Variants in VEGFC observed in about 807,000 individuals in gnomAD.
VEGFC encodes vascular endothelial growth factor C, also known as FLT4 ligand DHM.
In VEGFC, 12 loss-of-function variants were observed where a neutral mutation model predicts 46.1. That is an observed-to-expected ratio of 0.26 (90% confidence interval 0.17 to 0.42). The LOEUF (loss-of-function observed/expected upper bound fraction) is 0.42. VEGFC is among the 10% of genes least tolerant of loss of function. The pLI is 1.00. For missense variants in VEGFC, 488 were observed against 529.4 expected (o/e 0.92, Z 0.77); for synonymous variants, 232 against 195.5 (o/e 1.19, Z -1.56).
intron 1 of VEGFC, among the ~76,000 whole-genome samples, chr4:176,787,800 T>C (rs1407293360): frequency 6.6e-6 from 1 of 152,186 alleles, no homozygotes; most frequent in African/African-American, 2.4e-5. Flanking sequence ...ATATTTATAG[T>C]AAATTTTATA....
intron 1 of VEGFC, among the ~76,000 whole-genome samples, chr4:176,784,595 A>G (rs1454070681): frequency 6.6e-6 from 1 of 150,810 alleles, no homozygotes. Context: ...AAAAAATATA[A>G]AAAAAAAATT....
chr4:176,689,203 T>C (rs771665846), intron 4 of VEGFC: 4 of 152,216 alleles, frequency 2.6e-5, no homozygotes, highest in East Asian at 1.9e-4. Flanking sequence ...ACATTCCAAA[T>C]TGATAGAACA....
chr4:176,740,002 AATATATATAACTATATATTCGATATATCG>A (rs1735131043), intron 1 of VEGFC, among the ~76,000 whole-genome samples: 1 of 112,164 alleles, frequency 8.9e-6, no homozygotes, highest in African/African-American at 3.2e-5. Flanking sequence ...CGATATATCG[AATATATATAACTATATATTCGATATATCG>A]AATATATATA....
At position 176,711,618 on chromosome 4, in the gene VEGFC, G is replaced by A. The variant is rs1483423085; in HGVS notation, c.585C>T (p.Gly195=). The A allele has an allele frequency of 1.2e-6, 2 of 1,613,564 alleles. No homozygotes were observed. Among genetic ancestry groups the A allele is most frequent in the South Asian group, 1.1e-5 (1 of 91,032 alleles). ...LFEITVPLSQ[G]PKPVTISFAN... is the part of the protein sequence containing the mutation. ...CAAAACTGATTGTTACTGGTTTGGG[G>A]CCTTGAGAGAGAGGCACTGTAATTT... Residue 195 remains glycine, a synonymous_variant, in exon 4 of 7, where the codon GGC becomes GGT. Coordinates refer to ENST00000618562, the MANE Select transcript of VEGFC (RefSeq NM_005429.5).
rs1462133557 is a variant in VEGFC, at chr4:176,692,418, A to AC, written c.705-4492_705-4491insG. Among the ~76,000 whole-genome samples the AC allele has an allele frequency of 1.3e-4, 17 of 132,410 alleles. 3 individuals carry two copies. The highest frequency in any genetic ancestry group is 2.2e-4 in the African/African-American group (6 of 27,020). 86.9% of individuals were successfully genotyped at this position (132,410 alleles called of 152,430 possible). A position where few individuals can be genotyped will look rare whatever the true frequency, so the allele number is the denominator to read the frequency against. ...CAAAAACAAACAAACAAACAAACAA[A>AC]AAAAAAACAAAAAACGGCACACCAC... On this transcript the variant is annotated intron_variant, in intron 4 of 6. Coordinates refer to ENST00000618562, the MANE Select transcript of VEGFC (RefSeq NM_005429.5).
At chr4:176,693,962 A>ATTTT (rs1734258772) in intron 4 of VEGFC, among the ~76,000 whole-genome samples, 2 of 151,644 alleles carry the variant, frequency 1.3e-5, no homozygotes, top group Non-Finnish European at 2.9e-5. Flanking sequence ...CCTGCCCTAA[A>ATTTT]AGAGCTCCTG....
intron 1 of VEGFC, among the ~76,000 whole-genome samples, chr4:176,790,422 G>T (rs1287853296): frequency 6.6e-6 from 1 of 152,084 alleles, no homozygotes. Flanking sequence ...GGTAAAATTT[G>T]CCATATCACC....
chr4:176,702,796 T>C (rs1226134028), intron 4 of VEGFC, among the ~76,000 whole-genome samples: 3 of 152,110 alleles, frequency 2.0e-5, no homozygotes, highest in Admixed American at 6.6e-5. Context: ...GTAGTGTATA[T>C]TGACTTCCCT....
rs558127192 is a variant in VEGFC at position 176,770,069 on chromosome 4, T to C, written c.147+22096A>G. 1.6e-4 allele frequency among the ~76,000 whole-genome samples: 25 copies of C among 152,246 alleles called. 1 individual carries two copies. The South Asian group carries it at 5.2e-3, about 32-fold the overall frequency. On this transcript the variant is annotated intron_variant, in intron 1 of 6. Coordinates refer to ENST00000618562, the MANE Select transcript of VEGFC (RefSeq NM_005429.5). The stretch of plus-strand genomic sequence containing the variant: ...ATTTACTAGAAAGAAGTCCTCAGAT[T>C]AAAAAATATCTGATAGTTACATATG...
intron 4 of VEGFC, among the ~76,000 whole-genome samples, chr4:176,688,987 C>A (rs1213776373): frequency 6.6e-6 from 1 of 152,110 alleles, no homozygotes; most frequent in African/African-American, 2.4e-5. Context: ...TGCATTATAT[C>A]CTGTAGAATG....
chr4:176,686,469 G>A (rs1304260207), intron 6 of VEGFC, among the ~76,000 whole-genome samples: 2 of 152,160 alleles, frequency 1.3e-5, no homozygotes, highest in South Asian at 2.1e-4. Context: ...AAAAAGTAGA[G>A]TTGAAGATGT....
At position 176,687,340 on chromosome 4, in the gene VEGFC, T is replaced by C. The variant is rs575984035; in HGVS notation, c.992A>G (p.Asn331Ser). 2.8e-5 allele frequency: 45 copies of C among 1,614,194 alleles called. 1 individual carries two copies. The South Asian group carries it at 4.3e-4, about 15-fold the overall frequency. ...NKLFPSQCGA[N>S]REFDENTCQC... ...GCATGTGTTTTCATCAAATTCTCGG[T>C]TGGCCCCACATTGGCTGGGGAAGAG... is the stretch of plus-strand genomic sequence containing the variant. The change falls in exon 6 of 7, where the codon AAC (asparagine) becomes AGC (serine). Residue 331 changes from asparagine (N) to serine (S), a missense_variant. Coordinates refer to ENST00000618562, the MANE Select transcript of VEGFC (RefSeq NM_005429.5).
chr4:176,758,431 A>C (rs1735470204), intron 1 of VEGFC, among the ~76,000 whole-genome samples: 1 of 152,168 alleles, frequency 6.6e-6, no homozygotes, highest in Non-Finnish European at 1.5e-5. Context: ...AACAAGTACC[A>C]AGCATCAATC....
At chr4:176,691,946 C>A (rs1038547366) in intron 4 of VEGFC, among the ~76,000 whole-genome samples, 1 of 152,068 alleles carries the variant, frequency 6.6e-6, no homozygotes, top group Non-Finnish European at 1.5e-5. Flanking sequence ...GTGCACGCAC[C>A]GTGCGCGAGC....
intron 4 of VEGFC, among the ~76,000 whole-genome samples, chr4:176,703,958 T>A (rs1032758869): frequency 5.3e-5 from 8 of 152,172 alleles, no homozygotes; most frequent in African/African-American, 1.9e-4. Context: ...TCCCCCTTTC[T>A]CAAAACACAT....
intron 6 of VEGFC, among the ~76,000 whole-genome samples, chr4:176,686,896 G>A (rs1734051031): frequency 6.6e-6 from 1 of 152,142 alleles, no homozygotes; most frequent in African/African-American, 2.4e-5. Flanking sequence ...TGGTGGGGGT[G>A]AAGTGGATTG....
chr4:176,743,158 C>T (rs1735204563), intron 1 of VEGFC, among the ~76,000 whole-genome samples: 1 of 152,026 alleles, frequency 6.6e-6, no homozygotes, highest in Admixed American at 6.6e-5. Context: ...CTGTATTGAG[C>T]AGTGCTGGCA....
At chr4:176,699,916 A>C (rs1054009661) in intron 4 of VEGFC, among the ~76,000 whole-genome samples, 4 of 152,216 alleles carry the variant, frequency 2.6e-5, no homozygotes, top group African/African-American at 9.6e-5. Flanking sequence ...TTGATTCTGC[A>C]TGAACTTGTG....
chr4:176,729,859 T>C, intron 1 of VEGFC, 113 bp from the exon 2 acceptor site: 1 of 578,232 alleles, frequency 1.7e-6, no homozygotes, highest in Non-Finnish European at 2.6e-6. Context: ...CTAACACAAA[T>C]ATTATTAATT....
Sources: allele counts gnomAD v4.1 joint callset (sites outside exome capture counted in the v4.1 genomes callset), GRCh38; gene constraint gnomAD v4.1.1; transcripts MANE v1.5; gene names NCBI Gene and HGNC (gene_info 2026-07-23, HGNC 2026-07-21).